Variants in ALX4 observed in about 807,000 individuals in gnomAD.
ALX4 encodes homeobox protein aristaless-like 4.
Under a neutral mutation model 40.6 loss-of-function variants are expected in ALX4, and 22 were observed. That is an observed-to-expected ratio of 0.54 (90% confidence interval 0.39 to 0.77). The LOEUF (loss-of-function observed/expected upper bound fraction) is 0.77, where lower values mean the gene tolerates loss of function less well. ALX4 is among the 30% of genes least tolerant of loss of function. The pLI, the probability that ALX4 is intolerant of heterozygous loss-of-function variation, is 0.00. For synonymous variants in ALX4, 266 were observed against 240.5 expected, an observed-to-expected ratio of 1.11 and a Z score of -0.98; for missense variants, 556 against 564.8, an observed-to-expected ratio of 0.98 and a Z score of 0.16.
intron 1 of ALX4, among the ~76,000 whole-genome samples, chr11:44,292,685 G>T (rs1186207743): frequency 6.6e-6 from 1 of 152,156 alleles, no homozygotes; most frequent in Admixed American, 6.5e-5. Flanking sequence ...TGGTGTTTTT[G>T]TATAAATGAC....
intron 2 of ALX4, among the ~76,000 whole-genome samples, chr11:44,272,719 G>A (rs1295881710): frequency 1.3e-5 from 2 of 151,884 alleles, no homozygotes; most frequent in Non-Finnish European, 2.9e-5. Context: ...TGAGGCATGA[G>A]AATCGCTTGA....
intron 1 of ALX4, among the ~76,000 whole-genome samples, chr11:44,303,450 T>TC (rs2119898911): frequency 6.6e-6 from 1 of 151,318 alleles, no homozygotes; most frequent in African/African-American, 2.4e-5. Context: ...AGTGACCCCC[T>TC]CCTCACCAAA....
In ALX4 at chr11:44,309,683, C is replaced by A; in HGVS notation, c.380G>T (p.Gly127Val). 1 of 1,591,212 alleles carries A rather than the reference C, an allele frequency of 6.3e-7. No homozygotes were observed. Among genetic ancestry groups the A allele is most frequent in the Non-Finnish European group, 8.5e-7 (1 of 1,172,340 alleles). The change falls in exon 1 of 4, where the codon GGC becomes GTC. Residue 127 changes from glycine (G) to valine (V), a missense_variant. Physicochemically the swap from Gly to Val is moderately radical, Grantham distance 109. Transcript: ENST00000652299. The stretch of plus-strand genomic sequence containing the variant: ...GCCGTCCGGGGGCGTCTTGCAGGCG[C>A]CTCGCTGCAAGTAAAGATGCGGTTG... ...PAQPHLYLQR[G>V]ACKTPPDGSL... is the part of the protein sequence containing the mutation.
At chr11:44,288,534 C>G (rs1326952957) in intron 1 of ALX4, among the ~76,000 whole-genome samples, 2 of 152,146 alleles carry the variant, frequency 1.3e-5, no homozygotes, top group African/African-American at 2.4e-5. Context: ...ACCTGGCAAC[C>G]TCCCCGCCTT....
At chr11:44,304,246 C>T (rs1956452923) in intron 1 of ALX4, among the ~76,000 whole-genome samples, 1 of 152,262 alleles carries the variant, frequency 6.6e-6, no homozygotes, top group Non-Finnish European at 1.5e-5. Context: ...TGCGGGCGCA[C>T]ATGGCCAGGT....
rs145904583 is a variant in ALX4 at position 44,265,172 on chromosome 11, C to G, written c.918G>C (p.Pro306=). 1.9e-6 allele frequency: 3 copies of G among 1,603,184 alleles called. No individual in the cohort carries two copies. The Admixed American group carries it at 5.0e-5, about 27-fold the overall frequency. ...RAENYAQIQN[P]SWLGNNGAAS... is the part of the protein sequence containing the mutation. ...CAGCCCCGTTGTTGCCGAGCCAGGA[C>G]GGGTTCTGAATCTGGGAGAGGAAGG... The change falls in exon 4 of 4, where the codon CCG becomes CCC. Residue 306 remains proline, a synonymous_variant. Transcript: ENST00000652299.
rs774447144 is a variant in ALX4 at position 44,275,603 on chromosome 11, C to T, written c.522G>A (p.Gly174=). ...PELPPDSDTV[G]MDSSYLSVKE... is the part of the protein sequence containing the mutation. The stretch of plus-strand genomic sequence containing the variant: ...TGACACTCAGGTAGCTGCTGTCCAT[C>T]CCCACAGTGTCAGAGTCAGGGGGTA... The change falls in exon 2 of 4, where the codon GGG becomes GGA. Residue 174 remains glycine (G), a synonymous_variant. Transcript: ENST00000652299. 1 of 1,613,986 alleles carries T rather than the reference C, an allele frequency of 6.2e-7. No homozygotes were observed. The highest frequency in any genetic ancestry group is 8.5e-7 in the Non-Finnish European group (1 of 1,179,920).
intron 1 of ALX4, among the ~76,000 whole-genome samples, chr11:44,291,980 G>A (rs886829539): frequency 2.6e-5 from 4 of 152,006 alleles, no homozygotes; most frequent in African/African-American, 9.7e-5. Flanking sequence ...CACTGCACCT[G>A]GCTAATTTTT....
intron 3 of ALX4, among the ~76,000 whole-genome samples, chr11:44,265,897 C>T (rs999764945): frequency 6.6e-6 from 1 of 152,180 alleles, no homozygotes; most frequent in Non-Finnish European, 1.5e-5. Context: ...GGCTTCCCTT[C>T]CCTCCCCAAC....
intron 1 of ALX4, among the ~76,000 whole-genome samples, chr11:44,288,591 G>A (rs1374467880): frequency 6.6e-6 from 1 of 151,970 alleles, no homozygotes. Context: ...GGCCTTGTAC[G>A]TTGCAATAAA....
At chr11:44,303,421 T>G (rs1475155494) in intron 1 of ALX4, among the ~76,000 whole-genome samples, 1 of 151,852 alleles carries the variant, frequency 6.6e-6, no homozygotes, top group African/African-American at 2.4e-5. Context: ...TGGCCCCTCT[T>G]ACCCCGCCCG....
chr11:44,267,754 A>G (rs1454985460), intron 2 of ALX4, 132 bp from the exon 3 acceptor site: 51 of 1,220,552 alleles, frequency 4.2e-5, no homozygotes, highest in Admixed American at 3.8e-4. Flanking sequence ...GCGGCCACAC[A>G]TAAATATCAA....
intron 1 of ALX4, among the ~76,000 whole-genome samples, chr11:44,280,270 T>A (rs1018946007): frequency 8.5e-5 from 13 of 152,076 alleles, no homozygotes; most frequent in Non-Finnish European, 1.9e-4. Context: ...TAGGGGCGGC[T>A]CCAGAATTGA....
intron 1 of ALX4, among the ~76,000 whole-genome samples, chr11:44,279,929 G>C: frequency 6.6e-6 from 1 of 151,930 alleles, no homozygotes; most frequent in Non-Finnish European, 1.5e-5. Flanking sequence ...AGGAATAAAT[G>C]AACAATTTCT....
At chr11:44,281,551 G>A (rs1192072818) in intron 1 of ALX4, among the ~76,000 whole-genome samples, 1 of 151,932 alleles carries the variant, frequency 6.6e-6, no homozygotes, top group Admixed American at 6.6e-5. Flanking sequence ...GGGTGAGCTG[G>A]CCCCACACAC....
intron 1 of ALX4, among the ~76,000 whole-genome samples, chr11:44,304,654 A>G (rs1443425639): frequency 6.6e-6 from 1 of 152,218 alleles, no homozygotes. Flanking sequence ...CCCTGGCAGC[A>G]GCAAAGGCCA....
chr11:44,304,881 G>T (rs532314922), intron 1 of ALX4, among the ~76,000 whole-genome samples: 4 of 152,332 alleles, frequency 2.6e-5, no homozygotes, highest in Non-Finnish European at 5.9e-5. Context: ...GTGCGGCTCA[G>T]GGCTTGGTGA....
intron 1 of ALX4, among the ~76,000 whole-genome samples, chr11:44,301,245 A>G (rs943516417): frequency 3.3e-5 from 5 of 152,114 alleles, no homozygotes; most frequent in African/African-American, 7.2e-5. Flanking sequence ...AGACCCCCCA[A>G]CATGTCACCA....
chr11:44,280,230 G>A (rs1956301690), intron 1 of ALX4, among the ~76,000 whole-genome samples: 1 of 152,200 alleles, frequency 6.6e-6, no homozygotes, highest in African/African-American at 2.4e-5. Context: ...AGAGAGCAAG[G>A]GACAGAAGGA....
Sources: gnomAD v4.1 joint callset for allele counts (sites outside exome capture counted in the v4.1 genomes callset) on GRCh38, gnomAD v4.1.1 for gene constraint, MANE v1.5 for transcripts, NCBI Gene and HGNC (gene_info 2026-07-23, HGNC 2026-07-21) for gene names.